Variants in SPRR4 observed in about 807,000 individuals in gnomAD.
SPRR4 encodes the protein small proline rich protein 4.
For synonymous variants in SPRR4, 30 were observed against 34.3 expected (o/e 0.87, Z 0.44); for missense variants, 106 against 91.6 (o/e 1.16, Z -0.64).
At position 152,972,368 on chromosome 1, in the gene SPRR4, A is replaced by G; in HGVS notation, c.*238A>G. On this transcript the variant is annotated 3_prime_UTR_variant, in exon 2 of 2. Coordinates refer to ENST00000328051, the MANE Select transcript of SPRR4 (RefSeq NM_173080.3). ...CCCAGGTGGGTGTGAGAGAGACCTC[A>G]TTCTCTGCAGGCTCCAGCGTGGCCA... The G allele has an allele frequency of 4.9e-6, 3 of 615,502 alleles. No homozygotes were observed. In the South Asian group the frequency reaches 6.1e-5, roughly 12 times the overall value. The allele number at this position is 615,502 out of a possible 1,614,324, so 38.1% of individuals were successfully genotyped here. A position where few individuals can be genotyped will look rare whatever the true frequency, so the allele number is the denominator to read the frequency against.
Position 152,972,166 on chromosome 1 carries a change from G to C in SPRR4, c.*36G>C. ...GATATTACCATCATCCACCATCCTG[G>C]CTACCAGATGGAACCTTCTCTTCTT... is the stretch of plus-strand genomic sequence containing the variant. On this transcript the variant is annotated 3_prime_UTR_variant, in exon 2 of 2. Transcript: ENST00000328051. The C allele has an allele frequency of 1.9e-6, 3 of 1,612,610 alleles. No homozygotes were observed. The highest frequency in any genetic ancestry group is 2.5e-6 in the Non-Finnish European group (3 of 1,179,032).
rs150898471 is a variant in SPRR4, at chr1:152,971,850, T to C, written c.-20-21T>C. 6.0e-4 allele frequency: 970 copies of C among 1,611,258 alleles called. 2 individuals carry two copies. The African/African-American group carries it at 0.011, about 18-fold the overall frequency. On this transcript the variant is annotated intron_variant, in intron 1 of 1. Transcript: ENST00000328051. ...ACTTTTTAACACCCTTCTCATGGTG[T>C]CCCTGCCCGGTTTCCTTTAGGCTCA...
At chr1:152,969,491 C>T (rs74904895), upstream of SPRR4, among the ~76,000 whole-genome samples, 6,217 of 152,164 alleles carry the variant, frequency 0.041, 378 homozygotes, top group African/African-American at 0.14. Flanking sequence ...AGTGGTGAGC[C>T]CTTGCATGGC....
At chr1:152,969,322 G>C (rs565373494), upstream of SPRR4, among the ~76,000 whole-genome samples, 1 of 152,342 alleles carries the variant, frequency 6.6e-6, no homozygotes, top group South Asian at 2.1e-4. Context: ...GCATGTGGTT[G>C]AGCAGGTCCT....
upstream of SPRR4, among the ~76,000 whole-genome samples, chr1:152,970,438 G>T (rs1423642320): frequency 1.3e-5 from 2 of 152,166 alleles, no homozygotes; most frequent in Non-Finnish European, 2.9e-5. Context: ...ACCTTTGGTG[G>T]GTTAAATCAG....
At chr1:152,970,058 T>C (rs1476143894), upstream of SPRR4, among the ~76,000 whole-genome samples, 2 of 152,210 alleles carry the variant, frequency 1.3e-5, no homozygotes, top group Non-Finnish European at 2.9e-5. Flanking sequence ...GGATGAGTGG[T>C]ACCTGGGGCT....
chr1:152,969,011 G>A (rs150157464), upstream of SPRR4, among the ~76,000 whole-genome samples: 19 of 152,338 alleles, frequency 1.2e-4, no homozygotes, highest in African/African-American at 4.3e-4. Flanking sequence ...TCTTCTTGGA[G>A]GTGGAATGCA....
At position 152,971,854 on chromosome 1, in the gene SPRR4, T is replaced by C. The variant is rs1651856591; in HGVS notation, c.-20-17T>C. 1.9e-6 allele frequency: 3 copies of C among 1,611,858 alleles called. No individual in the cohort carries two copies. The highest frequency in any genetic ancestry group is 3.3e-5 in the Admixed American group (2 of 59,822). On this transcript the variant is annotated splice_polypyrimidine_tract_variant and intron_variant, in intron 1 of 1. Transcript: ENST00000328051. Reference sequence around the variant, plus strand: ...TTTAACACCCTTCTCATGGTGTCCCTGCCCGGTTTCCTTTAGGCTCACCTG... The same window carrying C: ...TTTAACACCCTTCTCATGGTGTCCCCGCCCGGTTTCCTTTAGGCTCACCTG...
chr1:152,969,446 T>C (rs1472916944), upstream of SPRR4, among the ~76,000 whole-genome samples: 1 of 152,212 alleles, frequency 6.6e-6, no homozygotes, highest in East Asian at 1.9e-4. Flanking sequence ...TCCTATCATT[T>C]CTCAGGCCAT....
At chr1:152,971,839 T>C (rs1446386670) in intron 1 of SPRR4, 32 bp from the exon 2 acceptor site, 1 of 1,607,144 alleles carries the variant, frequency 6.2e-7, no homozygotes, top group Non-Finnish European at 8.5e-7. Context: ...TTTAACACCC[T>C]TCTCATGGTG....
intron 1 of SPRR4, among the ~76,000 whole-genome samples, chr1:152,971,237 G>A (rs1472325551): frequency 6.6e-6 from 1 of 152,076 alleles, no homozygotes; most frequent in Non-Finnish European, 1.5e-5. Context: ...CATCAGAGCT[G>A]GGAAGGCTTC....
rs1651815278 is a variant in SPRR4 at position 152,970,678 on chromosome 1, C to T, written c.-37C>T. 6.6e-6 allele frequency: 1 copy of T among 152,326 alleles called. No individual in the cohort carries two copies. The highest frequency in any genetic ancestry group is 2.4e-5 in the African/African-American group (1 of 41,418). 9.4% of individuals were successfully genotyped at this position (152,326 alleles called of 1,614,324 possible). On this transcript the variant is annotated 5_prime_UTR_variant, in exon 1 of 2. Coordinates refer to ENST00000328051, the MANE Select transcript of SPRR4 (RefSeq NM_173080.3). ...AGGGCTCAGCCTCCTCTCCTGGGGT[C>T]CAGCTTGTCGCCTCTGGTAAGTGAG...
chr1:152,970,344 A>G (rs1443571549), upstream of SPRR4, among the ~76,000 whole-genome samples: 1 of 152,026 alleles, frequency 6.6e-6, no homozygotes, highest in Non-Finnish European at 1.5e-5. Context: ...TTTCTTCAAT[A>G]TTTCTTATAA....
rs1235187024 is a variant in SPRR4, at chr1:152,972,205, C to T, written c.*75C>T. On this transcript the variant is annotated 3_prime_UTR_variant, in exon 2 of 2. Coordinates refer to ENST00000328051, the MANE Select transcript of SPRR4 (RefSeq NM_173080.3). ...CCTTCTCTTCTTCCTTCTCCTCTTC[C>T]CTCCAGCTCTTGAGCCTACCCTCCT... 4.4e-6 allele frequency: 7 copies of T among 1,583,690 alleles called. No individual in the cohort carries two copies. The East Asian group carries it at 6.8e-5, about 15-fold the overall frequency.
chr1:152,970,327 C>A (rs375266028), upstream of SPRR4, among the ~76,000 whole-genome samples: 1 of 152,188 alleles, frequency 6.6e-6, no homozygotes, highest in Non-Finnish European at 1.5e-5. Flanking sequence ...TCTCCCTCTT[C>A]CTCTTTTTTC....
chr1:152,971,488 G>C (rs73010452), intron 1 of SPRR4, among the ~76,000 whole-genome samples: 6,189 of 151,934 alleles, frequency 0.041, 373 homozygotes, highest in African/African-American at 0.14. Context: ...CATAGGACTT[G>C]CCTTAGTCTC....
At chr1:152,969,431 G>C (rs979122520), upstream of SPRR4, among the ~76,000 whole-genome samples, 3 of 152,180 alleles carry the variant, frequency 2.0e-5, no homozygotes, top group Non-Finnish European at 4.4e-5. Flanking sequence ...AGTACATTAA[G>C]GTATTCCTAT....
chr1:152,972,180 C>A lies in SPRR4; in HGVS notation c.*50C>A, dbSNP rs555386680. The A allele has an allele frequency of 1.7e-4, 269 of 1,609,448 alleles. 1 individual carries two copies. Among genetic ancestry groups the A allele is most frequent in the Admixed American group, 1.1e-3 (67 of 59,736 alleles). ...CCACCATCCTGGCTACCAGATGGAACCTTCTCTTCTTCCTTCTCCTCTTCC... is the reference window on the plus strand; with the variant it reads ...CCACCATCCTGGCTACCAGATGGAAACTTCTCTTCTTCCTTCTCCTCTTCC... On this transcript the variant is annotated 3_prime_UTR_variant, in exon 2 of 2. Transcript: ENST00000328051.
At chr1:152,969,499 G>A (rs1451209017), upstream of SPRR4, among the ~76,000 whole-genome samples, 1 of 152,130 alleles carries the variant, frequency 6.6e-6, no homozygotes, top group Non-Finnish European at 1.5e-5. Flanking sequence ...GCCCTTGCAT[G>A]GCCTCTTGTT....
Sources: gnomAD v4.1 joint callset for allele counts (sites outside exome capture counted in the v4.1 genomes callset) on GRCh38, gnomAD v4.1.1 for gene constraint, MANE v1.5 for transcripts, NCBI Gene and HGNC (gene_info 2026-07-23, HGNC 2026-07-21) for gene names.